SGCD: variants seen among roughly 807,000 people sequenced by gnomAD.
SGCD encodes the protein sarcoglycan delta, also known as delta-sarcoglycan.
A neutral mutation model predicts 36.6 loss-of-function variants in SGCD; 18 were observed. The observed-to-expected ratio is 0.49, with a 90% CI of 0.34 to 0.73. The LOEUF (loss-of-function observed/expected upper bound fraction) is 0.73, where lower values mean the gene tolerates loss of function less well. SGCD is among the 30% of genes least tolerant of loss of function. The pLI is 0.01. For missense variants in SGCD, 387 were observed against 346.7 expected (o/e 1.12, Z -0.92); for synonymous variants, 133 against 130.6 (o/e 1.02, Z -0.12).
chr5:156,518,396 T>C (rs1757270432), intron 4 of SGCD, among the ~76,000 whole-genome samples: 1 of 152,146 alleles, frequency 6.6e-6, no homozygotes, highest in Admixed American at 6.5e-5. Flanking sequence ...AGTGTGAGAC[T>C]TTCACACCCA....
At chr5:156,201,435 T>C (rs974403989) in intron 3 of SGCD, among the ~76,000 whole-genome samples, 6 of 152,176 alleles carry the variant, frequency 3.9e-5, no homozygotes, top group South Asian at 2.1e-4. Flanking sequence ...TCACTCCCAC[T>C]GTAGCAATGA....
chr5:155,893,698 A>G (rs1756185427), intron 1 of SGCD, among the ~76,000 whole-genome samples: 2 of 152,252 alleles, frequency 1.3e-5, no homozygotes, highest in South Asian at 2.1e-4. Flanking sequence ...CATCATAGAC[A>G]TAGATAAATA....
intron 3 of SGCD, among the ~76,000 whole-genome samples, chr5:156,360,662 G>A (rs1355272762): frequency 6.6e-6 from 1 of 152,054 alleles, no homozygotes; most frequent in African/African-American, 2.4e-5. Context: ...AGTCAGTAGA[G>A]GGGGAGATGG....
chr5:155,821,283 AC>A, the SGCD span, among the ~76,000 whole-genome samples: 1 of 152,068 alleles, frequency 6.6e-6, no homozygotes, highest in Non-Finnish European at 1.5e-5. Context: ...TAAGGTAAAG[AC>A]TTATGTACAA....
intron 1 of SGCD, among the ~76,000 whole-genome samples, chr5:155,885,741 C>T (rs1755983652): frequency 1.3e-5 from 2 of 152,276 alleles, no homozygotes. Context: ...AATCAATGTT[C>T]CTTCCATCTC....
chr5:155,860,103 T>C, the SGCD span, among the ~76,000 whole-genome samples: 1 of 152,262 alleles, frequency 6.6e-6, no homozygotes, highest in Non-Finnish European at 1.5e-5. Context: ...CTTGAATTGC[T>C]GAATATTTGC....
chr5:156,285,118 G>GATATGA (rs1331043741), intron 3 of SGCD, among the ~76,000 whole-genome samples: 1 of 152,078 alleles, frequency 6.6e-6, no homozygotes, highest in African/African-American at 2.4e-5. Flanking sequence ...ACTTACAAGG[G>GATATGA]ATATGAAGGA....
chr5:156,705,120 T>A (rs2113738981), intron 7 of SGCD, among the ~76,000 whole-genome samples: 1 of 152,290 alleles, frequency 6.6e-6, no homozygotes, highest in Middle Eastern at 3.4e-3. Flanking sequence ...AACTTCTCTA[T>A]ATAATATACT....
chr5:156,686,510 C>G (rs1753910397), intron 7 of SGCD, among the ~76,000 whole-genome samples: 1 of 152,192 alleles, frequency 6.6e-6, no homozygotes, highest in South Asian at 2.1e-4. Context: ...TGGATAGTCT[C>G]TCTAGGCAGG....
intron 1 of SGCD, among the ~76,000 whole-genome samples, chr5:156,056,591 C>A (rs1171537481): frequency 7.4e-6 from 1 of 135,508 alleles, no homozygotes; most frequent in African/African-American, 2.7e-5. Flanking sequence ...TCATCTCCTA[C>A]CCCAACCAAT....
rs139450430 is a variant in SGCD at position 156,706,229 on chromosome 5, A to T, written c.576-51352A>T. Among the ~76,000 whole-genome samples, 1,018 of 152,268 alleles carry T rather than the reference A, an allele frequency of 6.7e-3. 6 individuals are homozygous for T. The highest frequency in any genetic ancestry group is 0.01 in the Non-Finnish European group (705 of 67,992). On this transcript the variant is annotated intron_variant, in intron 7 of 8. Transcript: ENST00000337851. ...TTCTTCTAGATAGCATAAACTTATT[A>T]TCAGTTAATTCAAGACATCACTGTC...
intron 1 of SGCD, among the ~76,000 whole-genome samples, chr5:155,882,836 AG>A (rs1561637204): frequency 6.6e-6 from 1 of 152,190 alleles, no homozygotes; most frequent in Non-Finnish European, 1.5e-5. Flanking sequence ...GCTCCTAACA[AG>A]GGAGTCAGCC....
intron 1 of SGCD, among the ~76,000 whole-genome samples, chr5:155,968,702 T>A (rs1190318532): frequency 6.6e-6 from 1 of 152,070 alleles, no homozygotes; most frequent in East Asian, 1.9e-4. Flanking sequence ...CCTCCTCAGA[T>A]AAGGGGGGAC....
intron 3 of SGCD, among the ~76,000 whole-genome samples, chr5:156,452,349 G>A (rs1297910769): frequency 2.0e-5 from 3 of 151,958 alleles, no homozygotes; most frequent in Non-Finnish European, 4.4e-5. Context: ...ATTTTTCTTT[G>A]GATAATGCAA....
chr5:156,512,924 C>T (rs893715734), intron 4 of SGCD, among the ~76,000 whole-genome samples: 15 of 151,168 alleles, frequency 9.9e-5, no homozygotes, highest in South Asian at 4.2e-4. Context: ...CTTAAGAGTA[C>T]GATTTTTTTT....
the SGCD span, among the ~76,000 whole-genome samples, chr5:155,803,205 G>A: frequency 1.3e-5 from 2 of 152,188 alleles, no homozygotes; most frequent in Non-Finnish European, 2.9e-5. Flanking sequence ...TTTCAGCAGA[G>A]GGAATTTAAT....
At chr5:155,766,061 G>A in the SGCD span, among the ~76,000 whole-genome samples, 1 of 152,154 alleles carries the variant, frequency 6.6e-6, no homozygotes, top group Non-Finnish European at 1.5e-5. Flanking sequence ...ACTGGAAGAG[G>A]CTGGGTTGTT....
intron 3 of SGCD, among the ~76,000 whole-genome samples, chr5:156,284,245 A>C (rs1054344709): frequency 1.4e-4 from 21 of 152,294 alleles, no homozygotes; most frequent in African/African-American, 4.3e-4. Context: ...CTAGAGCTAC[A>C]TGGAGGAGCT....
At position 156,537,459 on chromosome 5, in the gene SGCD, C is replaced by CCACACACACACACACACA. The variant is rs769070218; in HGVS notation, c.294+28788_294+28805dup. On this transcript the variant is annotated intron_variant, in intron 4 of 8. Coordinates refer to ENST00000337851, the MANE Select transcript of SGCD (RefSeq NM_000337.6). Reference sequence around the variant, plus strand: ...TGGGCTTGAGGTTAGAAGGTAGCAGCCACACACACACACACACACACACAC... The same window carrying CCACACACACACACACACA: ...TGGGCTTGAGGTTAGAAGGTAGCAGCCACACACACACACACACACACACACACACACACACACACACAC... Among the ~76,000 whole-genome samples, 203 of 125,890 alleles carry CCACACACACACACACACA rather than the reference C, an allele frequency of 1.6e-3. 1 individual carries two copies. Among genetic ancestry groups the CCACACACACACACACACA allele is most frequent in the Middle Eastern group, 3.9e-3 (1 of 256 alleles). The allele number at this position is 125,890 out of a possible 152,430, so 82.6% of individuals were successfully genotyped here.
Sources: allele counts gnomAD v4.1 joint callset (sites outside exome capture counted in the v4.1 genomes callset), GRCh38; gene constraint gnomAD v4.1.1; transcripts MANE v1.5; gene names NCBI Gene and HGNC (gene_info 2026-07-23, HGNC 2026-07-21).